The following HDAC8 variants were observed in gnomAD, a reference collection of about 807,000 sequenced individuals.
The protein encoded by HDAC8 is histone deacetylase-like 1.
Under a neutral mutation model 32.2 loss-of-function variants are expected in HDAC8, and 1 was observed. That is an observed-to-expected ratio of 0.03 (90% CI 0.01 to 0.15). The LOEUF (loss-of-function observed/expected upper bound fraction) is 0.15, where lower values mean the gene tolerates loss of function less well. HDAC8 is among the 10% of genes least tolerant of loss of function. The pLI is 1.00. For synonymous variants in HDAC8, 108 were observed against 113.9 expected, an observed-to-expected ratio of 0.95 and a Z score of 0.33; for missense variants, 117 against 300.0, an observed-to-expected ratio of 0.39 and a Z score of 4.51.
chrX:72,400,442 C>T (rs782660307), intron 9 of HDAC8, among the ~76,000 whole-genome samples: 4 of 111,769 alleles, frequency 3.6e-5, no homozygotes, highest in African/African-American at 6.5e-5. Flanking sequence ...CAGTTGCTCA[C>T]GCCATCATTC....
chrX:72,453,510 AAG>A (rs781983004), intron 9 of HDAC8, among the ~76,000 whole-genome samples: 1 of 109,817 alleles, frequency 9.1e-6, no homozygotes, highest in Non-Finnish European at 1.9e-5. Flanking sequence ...GAAAGAAAGA[AAG>A]AAAGAAAGAA....
intron 10 of HDAC8, among the ~76,000 whole-genome samples, chrX:72,331,049 C>T (rs1372347068): frequency 9.9e-6 from 1 of 101,230 alleles, no homozygotes; most frequent in Non-Finnish European, 2.0e-5. Flanking sequence ...CGGGTTCAAG[C>T]AATTCTCCTG....
intron 4 of HDAC8, among the ~76,000 whole-genome samples, chrX:72,513,186 A>G (rs1887362547): frequency 8.9e-6 from 1 of 111,863 alleles, no homozygotes; most frequent in African/African-American, 3.3e-5. Flanking sequence ...AGTACTTCTC[A>G]AACTAGTTTG....
At chrX:72,413,986 A>C (rs868906204) in intron 9 of HDAC8, among the ~76,000 whole-genome samples, 1 of 112,022 alleles carries the variant, frequency 8.9e-6, no homozygotes, top group Admixed American at 9.5e-5. Flanking sequence ...TTCATCCCCC[A>C]GAGACTCCTC....
At chrX:72,466,649 T>G (rs1204464909) in intron 7 of HDAC8, 5 of 112,123 alleles carry the variant, frequency 4.5e-5, no homozygotes, top group Non-Finnish European at 9.4e-5. Context: ...TGGAAAATAG[T>G]TTGGCAGTTC....
chrX:72,380,315 C>T (rs2045233431), intron 9 of HDAC8, among the ~76,000 whole-genome samples: 1 of 111,857 alleles, frequency 8.9e-6, no homozygotes, highest in African/African-American at 3.2e-5. Flanking sequence ...TCACACTGAG[C>T]ACACTCTTGA....
At chrX:72,330,331 G>C (rs189723749) in intron 10 of HDAC8, among the ~76,000 whole-genome samples, 103 of 111,562 alleles carry the variant, frequency 9.2e-4, no homozygotes, top group African/African-American at 3.1e-3. Flanking sequence ...TTGACAGCCA[G>C]CTGACTGCAG....
In HDAC8 at chrX:72,511,890, G is replaced by A. The variant is rs782794469; in HGVS notation, c.438-16622C>T. ...ATAGCTACATTAATTACAACACTAA[G>A]TAGACAGATATAAAATTTTAAGCAT... is the stretch of plus-strand genomic sequence containing the variant. On this transcript the variant is annotated intron_variant, in intron 4 of 10. Transcript: ENST00000373573. 8.9e-5 allele frequency among the ~76,000 whole-genome samples: 10 copies of A among 112,040 alleles called. No homozygotes were observed. The South Asian group carries it at 3.7e-3, about 42-fold the overall frequency.
intron 10 of HDAC8, among the ~76,000 whole-genome samples, chrX:72,349,189 A>G (rs1555947959): frequency 1.8e-5 from 2 of 112,459 alleles, no homozygotes; most frequent in Non-Finnish European, 3.8e-5. Flanking sequence ...TGACAGATAT[A>G]TGAAGTAGAG....
chrX:72,515,776 A>G (rs1219178519), intron 4 of HDAC8, among the ~76,000 whole-genome samples: 1 of 111,944 alleles, frequency 8.9e-6, no homozygotes, highest in Non-Finnish European at 1.9e-5. Flanking sequence ...GGTAGCATTT[A>G]AATAGAGACC....
intron 4 of HDAC8, among the ~76,000 whole-genome samples, chrX:72,548,954 AC>A (rs782390723): frequency 9.1e-6 from 1 of 110,078 alleles, no homozygotes; most frequent in African/African-American, 3.3e-5. Flanking sequence ...TTCCTAATTG[AC>A]CCCCCCATAA....
chrX:72,355,649 G>C (rs2044321056), intron 9 of HDAC8, among the ~76,000 whole-genome samples: 1 of 111,921 alleles, frequency 8.9e-6, no homozygotes, highest in Non-Finnish European at 1.9e-5. Context: ...GCCCAAGCTT[G>C]AGTTCAGTTC....
At chrX:72,345,735 C>G (rs1209255966) in intron 10 of HDAC8, among the ~76,000 whole-genome samples, 1 of 111,622 alleles carries the variant, frequency 9.0e-6, no homozygotes, top group Non-Finnish European at 1.9e-5. Context: ...GGCTGGAGTG[C>G]AGTGGCACAG....
chrX:72,483,605 T>C (rs1556004258), intron 7 of HDAC8, among the ~76,000 whole-genome samples: 1 of 111,185 alleles, frequency 9.0e-6, no homozygotes, highest in Non-Finnish European at 1.9e-5. Context: ...TATTCCTTTA[T>C]AACAATGCAA....
intron 9 of HDAC8, among the ~76,000 whole-genome samples, chrX:72,374,150 T>C (rs970827850): frequency 9.0e-6 from 1 of 111,249 alleles, no homozygotes; most frequent in Non-Finnish European, 1.9e-5. Flanking sequence ...GCTCAAGCAA[T>C]CCTCCCCGCC....
chrX:72,476,114 C>T (rs782768852), intron 7 of HDAC8, among the ~76,000 whole-genome samples: 2 of 111,231 alleles, frequency 1.8e-5, no homozygotes, highest in Admixed American at 9.6e-5. Flanking sequence ...ATTCACACAA[C>T]GGAAAGTGAG....
chrX:72,418,063 A>G (rs1016609840), intron 9 of HDAC8, among the ~76,000 whole-genome samples: 4 of 111,561 alleles, frequency 3.6e-5, no homozygotes, highest in African/African-American at 1.3e-4. Context: ...AATTAACTCA[A>G]AATGCATTAA....
At chrX:72,416,724 G>T (rs782355863) in intron 9 of HDAC8, among the ~76,000 whole-genome samples, 1 of 107,031 alleles carries the variant, frequency 9.3e-6, no homozygotes, top group Admixed American at 1.0e-4. Flanking sequence ...TACATATTTT[G>T]ACACGTTGTC....
In HDAC8 at chrX:72,474,727, T is replaced by C. The variant is rs781941339; in HGVS notation, c.738-9996A>G. Reference sequence around the variant, plus strand: ...GCCTGGATTTGGGGCAGGAGGTTCGTACCTGAGGAGGATAAAAGCCAGAGT... The same window carrying C: ...GCCTGGATTTGGGGCAGGAGGTTCGCACCTGAGGAGGATAAAAGCCAGAGT... On this transcript the variant is annotated intron_variant, in intron 7 of 10. Coordinates refer to ENST00000373573, the MANE Select transcript of HDAC8 (RefSeq NM_018486.3). The C allele has an allele frequency of 3.5e-6, 4 of 1,151,500 alleles. No homozygotes were observed. The Admixed American group carries it at 9.4e-5, about 27-fold the overall frequency. The allele number at this position is 1,151,500 out of a possible 1,213,427, so 94.9% of individuals were successfully genotyped here.
Sources: allele counts gnomAD v4.1 joint callset (sites outside exome capture counted in the v4.1 genomes callset), GRCh38; gene constraint gnomAD v4.1.1; transcripts MANE v1.5; gene names NCBI Gene and HGNC (gene_info 2026-07-23, HGNC 2026-07-21).